SERAC1: variants seen among roughly 807,000 people sequenced by gnomAD.
SERAC1 encodes the protein protein SERAC1.
Under a neutral mutation model 85.7 loss-of-function variants are expected in SERAC1, and 36 were observed. That is an observed-to-expected ratio of 0.42 (90% CI 0.32 to 0.55). The LOEUF (loss-of-function observed/expected upper bound fraction) is 0.55, where lower values mean the gene tolerates loss of function less well. Among genes scored for constraint, SERAC1 ranks in the 20% least tolerant of loss-of-function variants. The pLI, the probability that SERAC1 is intolerant of heterozygous loss-of-function variation, is 0.11. For missense variants in SERAC1, 629 were observed against 796.2 expected (o/e 0.79, Z 2.53); for synonymous variants, 242 against 265.3 (o/e 0.91, Z 0.85).
chr6:158,128,236 C>T lies in SERAC1; in HGVS notation c.887G>A (p.Gly296Glu). The T allele has an allele frequency of 6.2e-7, 1 of 1,614,060 alleles. No individual in the cohort carries two copies. The highest frequency in any genetic ancestry group is 1.7e-5 in the Admixed American group (1 of 60,014). ...STHCDKIEAN[G>E]GLQLLQRLYR... ...CAGCCTCTGAAGTAGCTGCAGGCCT[C>T]CATTTGCTTCGATTTTATCACAATG... Residue 296 changes from glycine to glutamate, a missense_variant, in exon 10 of 17, where the codon GGA becomes GAA. Coordinates refer to ENST00000647468, the MANE Select transcript of SERAC1 (RefSeq NM_032861.4).
At chr6:158,166,175 G>A (rs928088777) in intron 1 of SERAC1, 2 of 152,186 alleles carry the variant, frequency 1.3e-5, no homozygotes, top group Admixed American at 6.5e-5. Context: ...TAGTTTGAAA[G>A]TAAGAATCTA....
chr6:158,149,024 C>CT, intron 4 of SERAC1, 70 bp from the exon 5 acceptor site: 1 of 1,197,828 alleles, frequency 8.3e-7, no homozygotes, highest in Admixed American at 2.4e-5. Context: ...GAATCTTACT[C>CT]TGTCGCCCAG....
intron 8 of SERAC1, among the ~76,000 whole-genome samples, chr6:158,141,276 G>C (rs1462641621): frequency 6.6e-6 from 1 of 152,220 alleles, no homozygotes; most frequent in Non-Finnish European, 1.5e-5. Flanking sequence ...TGGTTACCAG[G>C]GGCTGGAGAG....
intron 1 of SERAC1, among the ~76,000 whole-genome samples, chr6:158,159,642 T>TG (rs1785439967): frequency 6.6e-6 from 1 of 151,532 alleles, no homozygotes; most frequent in Non-Finnish European, 1.5e-5. Context: ...TTTTTTTTTT[T>TG]GAAACAGGGT....
At chr6:158,143,245 A>G in intron 7 of SERAC1, 61 bp from the exon 8 acceptor site, 1 of 1,582,076 alleles carries the variant, frequency 6.3e-7, no homozygotes, top group Non-Finnish European at 8.6e-7. Context: ...AACAAAAAAT[A>G]TCCAAAGACT....
chr6:158,128,050 C>G, intron 10 of SERAC1, 58 bp downstream of exon 10: 1 of 1,246,038 alleles, frequency 8.0e-7, no homozygotes, highest in African/African-American at 1.6e-5. Flanking sequence ...ATGAACATAT[C>G]ATGAGGGGTA....
At chr6:158,143,305 GTCTCTCTCTCTCTCTCTCTCTC>G (rs753181670) in intron 7 of SERAC1, 121 bp from the exon 8 acceptor site, 26 of 606,106 alleles carry the variant, frequency 4.3e-5, no homozygotes, top group South Asian at 6.8e-5. Context: ...ATGTGTGCAT[GTCTCTCTCTCTCTCTCTCTCTC>G]TCTCTCTCTC....
chr6:158,114,946 C>T lies in SERAC1; in HGVS notation c.1527G>A (p.Leu509=). The T allele has an allele frequency of 6.2e-7, 1 of 1,610,986 alleles. No individual in the cohort carries two copies. The highest frequency in any genetic ancestry group is 8.5e-7 in the Non-Finnish European group (1 of 1,178,786). The change falls in exon 15 of 17, where the codon TTG becomes TTA. Residue 509 remains leucine, a synonymous_variant. Coordinates refer to ENST00000647468, the MANE Select transcript of SERAC1 (RefSeq NM_032861.4). ...TCATTTCTGGCTTCGTAGAGGCTTC[C>T]AACAGCATCTTTTTGACAAGAAGAC... ...MGGLLVKKML[L]EASTKPEMST... is the part of the protein sequence containing the mutation.
In SERAC1 at chr6:158,128,263, G is replaced by A; in HGVS notation, c.860C>T (p.Thr287Ile). Residue 287 changes from threonine (T) to isoleucine (I), a missense_variant, in exon 10 of 17, where the codon ACA (threonine) becomes ATA (isoleucine). Thr to Ile is a moderately conservative substitution (Grantham distance 89). Transcript: ENST00000647468. Reference protein sequence around the residue: ...EAIVKHSEISTHCDKIEANGG... With the variant: ...EAIVKHSEISIHCDKIEANGG... ...ATTTGCTTCGATTTTATCACAATGT[G>A]TGGATATCTGGCACAATAAATAAAC... 1 of 1,613,500 alleles carries A rather than the reference G, an allele frequency of 6.2e-7. No individual in the cohort carries two copies. The highest frequency in any genetic ancestry group is 8.5e-7 in the Non-Finnish European group (1 of 1,179,806).
chr6:158,118,926 T>TG lies in SERAC1; in HGVS notation c.1308+102dup, dbSNP rs1318564506. On this transcript the variant is annotated intron_variant, in intron 12 of 16. Transcript: ENST00000647468. Reference sequence around the variant, plus strand: ...CTCCCTAAGGGAAAGAAGAACTGCATGGGAAAAAAATCCCAGAACAAAGAG... The same window carrying TG: ...CTCCCTAAGGGAAAGAAGAACTGCATGGGGAAAAAAATCCCAGAACAAAGAG... The TG allele has an allele frequency of 5.0e-6, 7 of 1,404,554 alleles. No homozygotes were observed. In the Admixed American group the frequency reaches 1.1e-4, roughly 23 times the overall value. The allele number at this position is 1,404,554 out of a possible 1,614,324, so 87.0% of individuals were successfully genotyped here.
intron 8 of SERAC1, among the ~76,000 whole-genome samples, chr6:158,138,526 C>G (rs1390960831): frequency 6.7e-6 from 1 of 149,990 alleles, no homozygotes; most frequent in Non-Finnish European, 1.5e-5. Flanking sequence ...CAGAACACTA[C>G]AGAAGGTAGA....
rs369238004 is a variant in SERAC1 at position 158,165,357 on chromosome 6, G to A, written c.-2+2783C>T. Among the ~76,000 whole-genome samples the A allele has an allele frequency of 4.5e-4, 68 of 152,126 alleles. No homozygotes were observed. In the East Asian group the frequency reaches 6.0e-3, roughly 13 times the overall value. ...TTTTTAGTACAGACGGGGTTTCACC[G>A]TGTTATCCAGGATGGTCTCAATCTC... On this transcript the variant is annotated intron_variant, in intron 1 of 16. Coordinates refer to ENST00000647468, the MANE Select transcript of SERAC1 (RefSeq NM_032861.4).
chr6:158,167,040 A>G (rs1785614377), intron 1 of SERAC1, among the ~76,000 whole-genome samples: 1 of 151,454 alleles, frequency 6.6e-6, no homozygotes, highest in Non-Finnish European at 1.5e-5. Context: ...AAGAGAATGT[A>G]TGCAAGATGA....
rs749910901 is a variant in SERAC1, at chr6:158,119,487, G to A, written c.1167-317C>T. 1.3e-5 allele frequency among the ~76,000 whole-genome samples: 2 copies of A among 152,196 alleles called. No individual in the cohort carries two copies. The highest frequency in any genetic ancestry group is 4.8e-5 in the African/African-American group (2 of 41,450). On this transcript the variant is annotated intron_variant, in intron 11 of 16. Transcript: ENST00000647468. The surrounding 1 kb of genome is among the most constrained non-coding windows in gnomAD (Gnocchi z 4.5). Reference sequence around the variant, plus strand: ...GATTACCCTCTAAAGACTTCCATTTGAGAATATTCTACAAATCAATAAAAG... The same window carrying A: ...GATTACCCTCTAAAGACTTCCATTTAAGAATATTCTACAAATCAATAAAAG...
intron 8 of SERAC1, among the ~76,000 whole-genome samples, chr6:158,135,480 C>T (rs1326830623): frequency 6.6e-6 from 1 of 152,064 alleles, no homozygotes; most frequent in Non-Finnish European, 1.5e-5. Context: ...TTGCAATGAG[C>T]CGAGATCGCG....
chr6:158,135,513 A>T (rs1784771738), intron 8 of SERAC1, among the ~76,000 whole-genome samples: 2 of 152,074 alleles, frequency 1.3e-5, no homozygotes, highest in Admixed American at 6.5e-5. Context: ...AGCCTGGGTG[A>T]CAGAGCGAGA....
intron 8 of SERAC1, among the ~76,000 whole-genome samples, chr6:158,136,003 G>A (rs1784784942): frequency 6.6e-6 from 1 of 152,056 alleles, no homozygotes; most frequent in South Asian, 2.1e-4. Flanking sequence ...GTAGAGATGG[G>A]GTTTCACTGT....
In SERAC1 at chr6:158,152,517, GA is replaced by G. The variant is rs201163631; in HGVS notation, c.129-1929del. ...GGCGACGGAGCAAGACTCCATCTCC[GA>G]AAAAAAAAAAAGTGTAATGTAGCCT... On this transcript the variant is annotated intron_variant, in intron 3 of 16. Transcript: ENST00000647468. 5.2e-3 allele frequency among the ~76,000 whole-genome samples: 738 copies of G among 142,796 alleles called. 35 individuals carry two copies. In the East Asian group the frequency reaches 0.12, roughly 24 times the overall value. 93.7% of individuals were successfully genotyped at this position (142,796 alleles called of 152,430 possible).
chr6:158,112,604 T>C (rs965030514), intron 16 of SERAC1: 5 of 151,706 alleles, frequency 3.3e-5, no homozygotes, highest in African/African-American at 7.3e-5. Context: ...TCATTTTATG[T>C]AGATAGCATA....
Sources: allele counts gnomAD v4.1 joint callset (sites outside exome capture counted in the v4.1 genomes callset), GRCh38; gene constraint gnomAD v4.1.1; non-coding constraint Gnocchi (gnomAD v3.1); transcripts MANE v1.5; gene names NCBI Gene and HGNC (gene_info 2026-07-23, HGNC 2026-07-21).